The following MTSS1 variants were observed in gnomAD, a reference collection of about 807,000 sequenced individuals.
MTSS1 encodes the protein MTSS I-BAR domain containing 1.
Under a neutral mutation model 79.0 loss-of-function variants are expected in MTSS1, and 18 were observed. The ratio of observed to expected loss-of-function variants is 0.23; its 90% CI spans 0.16 to 0.34. MTSS1 has a LOEUF of 0.34. Among genes scored for constraint, MTSS1 ranks in the 10% least tolerant of loss-of-function variants. The pLI, the probability that MTSS1 is intolerant of heterozygous loss-of-function variation, is 1.00. For missense variants in MTSS1, 815 were observed against 986.2 expected (o/e 0.83, Z 2.33); for synonymous variants, 341 against 368.6 (o/e 0.93, Z 0.86).
intron 3 of MTSS1, among the ~76,000 whole-genome samples, chr8:124,696,415 AC>A (rs1476152878): frequency 6.6e-6 from 1 of 151,108 alleles, no homozygotes; most frequent in Non-Finnish European, 1.5e-5. Flanking sequence ...TGTAAAATAT[AC>A]CTTCTTTCTA....
At chr8:124,566,939 T>C (rs763594353) in intron 8 of MTSS1, 132 bp downstream of exon 8, 1 of 688,290 alleles carries the variant, frequency 1.5e-6, no homozygotes, top group African/African-American at 1.8e-5. Flanking sequence ...GGTGATTTCA[T>C]ATATTACATC....
chr8:124,615,384 G>A (rs1284310633), intron 3 of MTSS1, among the ~76,000 whole-genome samples: 4 of 152,162 alleles, frequency 2.6e-5, no homozygotes, highest in African/African-American at 9.7e-5. Context: ...GATTATTCAG[G>A]CCTAAAAAAG....
intron 3 of MTSS1, among the ~76,000 whole-genome samples, chr8:124,591,639 C>T (rs16899814): frequency 0.021 from 3,190 of 152,284 alleles, 116 homozygotes; most frequent in African/African-American, 0.073. Context: ...AGAGCTGTAG[C>T]TTTTCTCAAC....
intron 3 of MTSS1, among the ~76,000 whole-genome samples, chr8:124,630,156 C>T (rs965856575): frequency 6.6e-6 from 1 of 152,232 alleles, no homozygotes; most frequent in African/African-American, 2.4e-5. Context: ...CTCTACCTCC[C>T]CTGGAAGAGG....
rs182536766 is a variant in MTSS1 at position 124,691,645 on chromosome 8, A to G, written c.208+7881T>C. Among the ~76,000 whole-genome samples the G allele has an allele frequency of 2.3e-3, 356 of 152,152 alleles. 1 individual carries two copies. Among genetic ancestry groups the G allele is most frequent in the African/African-American group, 8.3e-3 (343 of 41,496 alleles). ...ATTCTCCTGTCTCAGCCTCCCAAGT[A>G]GCTGGGACTACAGATGCCCGCCACC... On this transcript the variant is annotated intron_variant, in intron 3 of 13. Coordinates refer to ENST00000518547, the MANE Select transcript of MTSS1 (RefSeq NM_014751.6).
At position 124,661,785 on chromosome 8, in the gene MTSS1, C is replaced by T. The variant is rs556407260; in HGVS notation, c.208+37741G>A. ...TCTTTCCCACAACTCACCATAGCTG[C>T]GACAGCCTGTTCACAGTTTGCTCAG... is the stretch of plus-strand genomic sequence containing the variant. On this transcript the variant is annotated intron_variant, in intron 3 of 13. Transcript: ENST00000518547. Among the ~76,000 whole-genome samples the T allele has an allele frequency of 3.3e-5, 5 of 152,338 alleles. 1 individual carries two copies. The South Asian group carries it at 6.2e-4, about 19-fold the overall frequency.
intron 3 of MTSS1, among the ~76,000 whole-genome samples, chr8:124,632,822 C>T (rs1185566284): frequency 6.6e-6 from 1 of 152,158 alleles, no homozygotes; most frequent in Non-Finnish European, 1.5e-5. Context: ...TGTATGCTAC[C>T]GCATCCAGCT....
chr8:124,684,713 T>G (rs1025292287), intron 3 of MTSS1, among the ~76,000 whole-genome samples: 6 of 152,238 alleles, frequency 3.9e-5, no homozygotes, highest in African/African-American at 1.2e-4. Context: ...TGGGGGCAGA[T>G]AAGCTACAAA....
In MTSS1 at chr8:124,562,810, G is replaced by C; in HGVS notation, c.1007C>G (p.Ser336Cys). 6.2e-7 allele frequency: 1 copy of C among 1,614,192 alleles called. No homozygotes were observed. The highest frequency in any genetic ancestry group is 8.5e-7 in the Non-Finnish European group (1 of 1,180,032). ...GTTGGGGGCCTCTGGCGGCATGGGG[G>C]ATGGTGACTTGGACTGGAAGGCATC... ...SQDAFQSKSP[S>C]PMPPEAPNQL... The change falls in exon 10 of 14, where the codon TCC (serine) becomes TGC (cysteine). Residue 336 changes from serine to cysteine, a missense_variant. Physicochemically the swap from Ser to Cys is moderately radical, Grantham distance 112. Transcript: ENST00000518547.
chr8:124,657,360 T>TTG (rs898377752), intron 3 of MTSS1, among the ~76,000 whole-genome samples: 2 of 152,192 alleles, frequency 1.3e-5, no homozygotes, highest in African/African-American at 2.4e-5. Flanking sequence ...ATTGTCTTTT[T>TTG]TGTGTGTGTG....
intron 3 of MTSS1, among the ~76,000 whole-genome samples, chr8:124,675,229 C>T (rs1056484620): frequency 6.6e-6 from 1 of 152,230 alleles, no homozygotes; most frequent in Non-Finnish European, 1.5e-5. Flanking sequence ...CCAGCAAACA[C>T]CATGTAGAAA....
At chr8:124,565,928 C>A in intron 8 of MTSS1, 169 bp from the exon 9 acceptor site, 2 of 508,490 alleles carry the variant, frequency 3.9e-6, no homozygotes, top group South Asian at 2.8e-5. Flanking sequence ...GTACCAAATC[C>A]ATCAATATCA....
chr8:124,633,257 T>C (rs1459583370), intron 3 of MTSS1, among the ~76,000 whole-genome samples: 2 of 152,096 alleles, frequency 1.3e-5, no homozygotes, highest in Non-Finnish European at 2.9e-5. Context: ...TCAAAGGCCT[T>C]AATAATTTTA....
chr8:124,573,946 A>G (rs1333451495), intron 6 of MTSS1, among the ~76,000 whole-genome samples: 1 of 152,174 alleles, frequency 6.6e-6, no homozygotes, highest in Non-Finnish European at 1.5e-5. Context: ...GGGGCAAAGC[A>G]TTGTGAATGC....
intron 6 of MTSS1, chr8:124,577,454 T>C: frequency 2.2e-6 from 1 of 444,890 alleles, no homozygotes; most frequent in Non-Finnish European, 4.5e-6. Flanking sequence ...TTTGCCATGA[T>C]GGCCAGGCTG....
chr8:124,665,315 A>T (rs1315238802), intron 3 of MTSS1, among the ~76,000 whole-genome samples: 1 of 152,148 alleles, frequency 6.6e-6, no homozygotes, highest in Non-Finnish European at 1.5e-5. Context: ...TTTCTCTTCG[A>T]TTCATTCCGT....
intron 3 of MTSS1, among the ~76,000 whole-genome samples, chr8:124,623,801 G>A (rs372272882): frequency 1.3e-5 from 2 of 152,098 alleles, no homozygotes; most frequent in African/African-American, 2.4e-5. Flanking sequence ...CACCACACCC[G>A]ACTAATTTTT....
chr8:124,690,288 T>C (rs920360333), intron 3 of MTSS1, among the ~76,000 whole-genome samples: 3 of 152,146 alleles, frequency 2.0e-5, no homozygotes, highest in Admixed American at 2.0e-4. Flanking sequence ...TAAAGCCTAA[T>C]GGGGAAACCC....
rs17372597 is a variant in MTSS1 at position 124,582,912 on chromosome 8, G to A, written c.460+2175C>T. 9.7e-3 allele frequency among the ~76,000 whole-genome samples: 1,479 copies of A among 152,244 alleles called. 15 individuals carry two copies. Among genetic ancestry groups the A allele is most frequent in the Middle Eastern group, 0.017 (5 of 294 alleles). ...GGAGAGCTCTCCATAAAAGATTCCA[G>A]TCCGAATGTGACTCTAGTACCTTTC... On this transcript the variant is annotated intron_variant, in intron 6 of 13. Transcript: ENST00000518547. This position sits in a 1 kb window ranked among gnomAD's most constrained non-coding sequence, Gnocchi z 4.8.
Sources: allele counts gnomAD v4.1 joint callset (sites outside exome capture counted in the v4.1 genomes callset), GRCh38; gene constraint gnomAD v4.1.1; non-coding constraint Gnocchi (gnomAD v3.1); transcripts MANE v1.5; gene names NCBI Gene and HGNC (gene_info 2026-07-23, HGNC 2026-07-21).